The following CAMKK2 variants were observed in gnomAD, a reference collection of about 807,000 sequenced individuals.
The protein encoded by CAMKK2 is calcium/calmodulin-dependent protein kinase kinase 2.
Under a neutral mutation model 67.2 loss-of-function variants are expected in CAMKK2, and 30 were observed. The observed-to-expected ratio is 0.45, with a 90% CI of 0.33 to 0.61. CAMKK2 has a LOEUF of 0.61. Ranked by LOEUF, CAMKK2 falls within the 20% of genes least tolerant of loss-of-function variation. The pLI is 0.02. For missense variants in CAMKK2, 643 were observed against 802.0 expected, an observed-to-expected ratio of 0.80 and a Z score of 2.39; for synonymous variants, 322 against 326.2, an observed-to-expected ratio of 0.99 and a Z score of 0.14.
intron 11 of CAMKK2, 103 bp from the exon 12 acceptor site, chr12:121,250,137 C>T (rs1890372696): frequency 1.1e-6 from 1 of 906,342 alleles, no homozygotes; most frequent in African/African-American, 1.6e-5. Flanking sequence ...GCAGAGAAAT[C>T]AACAATTGCG....
At chr12:121,243,896 T>G in intron 16 of CAMKK2, 3 of 1,393,952 alleles carry the variant, frequency 2.2e-6, no homozygotes, top group East Asian at 2.7e-5. Flanking sequence ...ATGTGCTCAG[T>G]GGGAAGGGCA....
rs1191021881 is a variant in CAMKK2, at chr12:121,245,547, CCT to C, written c.1453-309_1453-308del. 2.6e-5 allele frequency among the ~76,000 whole-genome samples: 4 copies of C among 152,212 alleles called. No homozygotes were observed. The highest frequency in any genetic ancestry group is 9.7e-5 in the African/African-American group (4 of 41,444). On this transcript the variant is annotated intron_variant, in intron 14 of 16. Coordinates refer to ENST00000404169, the MANE Select transcript of CAMKK2 (RefSeq NM_001270485.2). This position sits in a 1 kb window ranked among gnomAD's most constrained non-coding sequence, Gnocchi z 5.8. ...AAACCCAGATCTGGTCCCCTCACTC[CCT>C]GACTCAGCATCCCCACCCAGAGGGG...
chr12:121,253,338 C>A lies in CAMKK2; in HGVS notation c.1042G>T (p.Val348Leu), dbSNP rs149707360. ...KGSDALLSNT[V>L]GTPAFMAPES... Reference sequence around the variant, plus strand: ...GGTGCCATGAAGGCGGGCGTGCCCACGGTGTTGGAGAGGAGCGCGTCACTG... The same window carrying A: ...GGTGCCATGAAGGCGGGCGTGCCCAAGGTGTTGGAGAGGAGCGCGTCACTG... The change falls in exon 10 of 17, where the codon GTG (valine) becomes TTG (leucine). Residue 348 changes from valine (V) to leucine (L), a missense_variant. Physicochemically the swap from Val to Leu is conservative, Grantham distance 32 (BLOSUM62 1). This residue lies in a region of CAMKK2 where 483 missense variants were observed against 625.8 expected (regional missense o/e 0.77). Coordinates refer to ENST00000404169, the MANE Select transcript of CAMKK2 (RefSeq NM_001270485.2). This position sits in a 1 kb window ranked among gnomAD's most constrained non-coding sequence, Gnocchi z 5.0. 1.4e-5 allele frequency: 22 copies of A among 1,614,190 alleles called. No homozygotes were observed. The Admixed American group carries it at 3.5e-4, about 26-fold the overall frequency.
chr12:121,286,674 G>A (rs1202471883), intron 1 of CAMKK2, among the ~76,000 whole-genome samples: 1 of 151,732 alleles, frequency 6.6e-6, no homozygotes, highest in Non-Finnish European at 1.5e-5. Context: ...CCCCCAAGTA[G>A]CTGCAACTAC....
At chr12:121,286,700 C>A (rs1274210950) in intron 1 of CAMKK2, among the ~76,000 whole-genome samples, 1 of 152,006 alleles carries the variant, frequency 6.6e-6, no homozygotes, top group African/African-American at 2.4e-5. Context: ...CGCACCACTA[C>A]GCCTGGCTAA....
intron 1 of CAMKK2, among the ~76,000 whole-genome samples, chr12:121,289,285 C>T (rs978704176): frequency 1.4e-4 from 21 of 151,990 alleles, no homozygotes; most frequent in African/African-American, 4.6e-4. Context: ...ATACTACAAA[C>T]ATGACTGAAA....
chr12:121,274,498 C>G lies in CAMKK2; in HGVS notation c.29G>C (p.Ser10Thr). The G allele has an allele frequency of 6.2e-7, 1 of 1,612,132 alleles. No individual in the cohort carries two copies. Among genetic ancestry groups the G allele is most frequent in the African/African-American group, 1.3e-5 (1 of 74,932 alleles). The change falls in exon 2 of 17, where the codon AGC becomes ACC. Residue 10 changes from serine to threonine, a missense_variant. Transcript: ENST00000404169. ...ATCCTGGGGGGCGGCCCGGTTGCTG[C>G]TGGGCTGGCTAGAGACACATGATGA... is the stretch of plus-strand genomic sequence containing the variant. MSSCVSSQP[S>T]SNRAAPQDEL...
chr12:121,274,084 G>A lies in CAMKK2; in HGVS notation c.443C>T (p.Ser148Phe). ...PRLPRRPTVE[S>F]HHVSITGMQD... ...CATACCCGTGATGGAGACGTGGTGA[G>A]ACTCCACTGTCGGCCGCCGGGGCAG... Residue 148 changes from serine to phenylalanine, a missense_variant, in exon 2 of 17, where the codon TCT becomes TTT. By Grantham distance (155) the Ser-to-Phe change is radical. Coordinates refer to ENST00000404169, the MANE Select transcript of CAMKK2 (RefSeq NM_001270485.2). 1 of 1,523,144 alleles carries A rather than the reference G, an allele frequency of 6.6e-7. No homozygotes were observed. Among genetic ancestry groups the A allele is most frequent in the Non-Finnish European group, 8.8e-7 (1 of 1,135,344 alleles). The allele number at this position is 1,523,144 out of a possible 1,614,324, so 94.4% of individuals were successfully genotyped here.
chr12:121,264,641 G>A (rs1894147980), intron 5 of CAMKK2, among the ~76,000 whole-genome samples: 1 of 152,090 alleles, frequency 6.6e-6, no homozygotes, highest in African/African-American at 2.4e-5. Context: ...GGGCGTGGTG[G>A]TGGGCGCCTG....
intron 1 of CAMKK2, among the ~76,000 whole-genome samples, chr12:121,279,636 G>C (rs1897384064): frequency 6.6e-6 from 1 of 152,220 alleles, no homozygotes; most frequent in African/African-American, 2.4e-5. Flanking sequence ...CGGAGCGTGA[G>C]AGGAGGACTT....
In CAMKK2 at chr12:121,244,490, G is replaced by A. The variant is rs114474674; in HGVS notation, c.1596+83C>T. ...GGCTGGAAGGAGCATCTGCCCGGGT[G>A]GGGATGCCCCCGTGCTCTGCAGCTG... On this transcript the variant is annotated intron_variant, in intron 16 of 16. Coordinates refer to ENST00000404169, the MANE Select transcript of CAMKK2 (RefSeq NM_001270485.2). 1,587 of 1,307,854 alleles carry A rather than the reference G, an allele frequency of 1.2e-3. 14 individuals carry two copies. The African/African-American group carries it at 0.021, about 17-fold the overall frequency. 81.0% of individuals were successfully genotyped at this position (1,307,854 alleles called of 1,614,324 possible).
Position 121,274,515 on chromosome 12 carries a change from A to G in CAMKK2, c.12T>C (p.Cys4=). The G allele has an allele frequency of 6.2e-7, 1 of 1,610,312 alleles. No homozygotes were observed. The highest frequency in any genetic ancestry group is 8.5e-7 in the Non-Finnish European group (1 of 1,179,172). Residue 4 remains cysteine (C), a synonymous_variant, in exon 2 of 17, where the codon TGT becomes TGC. Transcript: ENST00000404169. MSS[C]VSSQPSSNRA... The stretch of plus-strand genomic sequence containing the variant: ...GGTTGCTGCTGGGCTGGCTAGAGAC[A>G]CATGATGACATGGTGCATGCGCCAG...
At chr12:121,244,714 C>T in intron 15 of CAMKK2, 99 bp from the exon 16 acceptor site, 2 of 968,910 alleles carry the variant, frequency 2.1e-6, no homozygotes, top group African/African-American at 1.6e-5. Context: ...ACCCCAAACA[C>T]CAGCTTCATA....
At chr12:121,275,031 C>A (rs886085142) in intron 1 of CAMKK2, among the ~76,000 whole-genome samples, 1 of 152,096 alleles carries the variant, frequency 6.6e-6, no homozygotes, top group Admixed American at 6.5e-5. Context: ...GCACACATAT[C>A]CCCTACAGAA....
chr12:121,281,816 G>A (rs1897855188), intron 1 of CAMKK2, among the ~76,000 whole-genome samples: 1 of 152,182 alleles, frequency 6.6e-6, no homozygotes, highest in South Asian at 2.1e-4. Context: ...TGTGGTGGCG[G>A]GCGCCTGTAA....
intron 1 of CAMKK2, among the ~76,000 whole-genome samples, chr12:121,290,163 A>G (rs1292042394): frequency 2.0e-5 from 3 of 152,160 alleles, no homozygotes; most frequent in Admixed American, 6.5e-5. Flanking sequence ...TGTCTGGAAC[A>G]TGGAAGGGTT....
At chr12:121,294,940 T>C (rs1419634022) in intron 1 of CAMKK2, among the ~76,000 whole-genome samples, 1 of 152,174 alleles carries the variant, frequency 6.6e-6, no homozygotes, top group Admixed American at 6.5e-5. Flanking sequence ...GAGACTGACG[T>C]AGGCGGATCA....
rs1417410761 is a variant in CAMKK2 at position 121,248,855 on chromosome 12, A to G, written c.1324-121T>C. 8 of 1,182,294 alleles carry G rather than the reference A, an allele frequency of 6.8e-6. No homozygotes were observed. In the South Asian group the frequency reaches 7.4e-5, roughly 11 times the overall value. The allele number at this position is 1,182,294 out of a possible 1,614,324, so 73.2% of individuals were successfully genotyped here. A position where few individuals can be genotyped will look rare whatever the true frequency, so the allele number is the denominator to read the frequency against. On this transcript the variant is annotated intron_variant, in intron 13 of 16. Coordinates refer to ENST00000404169, the MANE Select transcript of CAMKK2 (RefSeq NM_001270485.2). ...GGCAAGGGCCTGTGGTCAGGCATGCAAAACAGCTGGCGAGCAGAGGGCAGG... is the reference window on the plus strand; with the variant it reads ...GGCAAGGGCCTGTGGTCAGGCATGCGAAACAGCTGGCGAGCAGAGGGCAGG...
At position 121,243,007 on chromosome 12, in the gene CAMKK2, G is replaced by A. The variant is rs149991711; in HGVS notation, c.1596+1566C>T. 4.0e-3 allele frequency among the ~76,000 whole-genome samples: 611 copies of A among 152,048 alleles called. 7 individuals are homozygous for A. Among genetic ancestry groups the A allele is most frequent in the African/African-American group, 0.014 (578 of 41,492 alleles). ...TTCGCCTGCCTTGGCCTCCCAAAGC[G>A]CTGGGATTACAGGCGTGAGCCACCG... On this transcript the variant is annotated intron_variant, in intron 16 of 16. Coordinates refer to ENST00000404169, the MANE Select transcript of CAMKK2 (RefSeq NM_001270485.2).
Sources: allele counts gnomAD v4.1 joint callset (sites outside exome capture counted in the v4.1 genomes callset), GRCh38; gene constraint gnomAD v4.1.1; regional missense constraint gnomAD v4.1.1; non-coding constraint Gnocchi (gnomAD v3.1); transcripts MANE v1.5; gene names NCBI Gene and HGNC (gene_info 2026-07-23, HGNC 2026-07-21).